The following ELAVL4 variants were observed in gnomAD, a reference collection of about 807,000 sequenced individuals.
The protein encoded by ELAVL4 is ELAV like RNA binding protein 4.
ELAVL4 carries 1 observed loss-of-function variant against 35.6 expected under a neutral mutation model. The ratio of observed to expected loss-of-function variants is 0.03; its 90% CI spans 0.01 to 0.13. The LOEUF (loss-of-function observed/expected upper bound fraction) is 0.13, where lower values mean the gene tolerates loss of function less well. Among genes scored for constraint, ELAVL4 ranks in the 10% least tolerant of loss-of-function variants. The probability of loss-of-function intolerance (pLI) is 1.00; values close to 1 mark genes in which losing one functional copy is unlikely to be tolerated. For synonymous variants in ELAVL4, 156 were observed against 171.0 expected (o/e 0.91, Z 0.69); for missense variants, 267 against 464.9 (o/e 0.57, Z 3.91).
intron 1 of ELAVL4, among the ~76,000 whole-genome samples, chr1:50,118,820 T>A (rs1489022102): frequency 6.6e-6 from 1 of 151,850 alleles, no homozygotes; most frequent in Non-Finnish European, 1.5e-5. Flanking sequence ...CTTCATATGC[T>A]TACAGGAAGG....
intron 1 of ELAVL4, among the ~76,000 whole-genome samples, chr1:50,053,983 G>A (rs555206685): frequency 6.6e-6 from 1 of 152,288 alleles, no homozygotes; most frequent in South Asian, 2.1e-4. Flanking sequence ...TATAAGCAGA[G>A]GGAACAGCCA....
intron 3 of ELAVL4, among the ~76,000 whole-genome samples, chr1:50,182,431 G>T (rs764560967): frequency 4.6e-5 from 7 of 152,180 alleles, no homozygotes; most frequent in Non-Finnish European, 1.0e-4. Flanking sequence ...TTCACTGCTG[G>T]CTCTGCCTCC....
At chr1:50,165,973 C>T (rs1677836246) in intron 2 of ELAVL4, among the ~76,000 whole-genome samples, 2 of 151,978 alleles carry the variant, frequency 1.3e-5, no homozygotes, top group South Asian at 4.1e-4. Flanking sequence ...TGTTCAAGGG[C>T]AGGAAGCATC....
intron 1 of ELAVL4, among the ~76,000 whole-genome samples, chr1:50,113,448 AC>A (rs1667424275): frequency 6.6e-6 from 1 of 152,146 alleles, no homozygotes; most frequent in African/African-American, 2.4e-5. Flanking sequence ...TCATACATAG[AC>A]GAAAGTACTT....
At chr1:50,065,447 C>G (rs538293883) in intron 1 of ELAVL4, among the ~76,000 whole-genome samples, 20 of 152,266 alleles carry the variant, frequency 1.3e-4, no homozygotes, top group Admixed American at 8.5e-4. Context: ...AACACTGGAG[C>G]AAGTTAACTT....
upstream of ELAVL4, chr1:50,106,531 A>C: frequency 3.1e-6 from 2 of 645,094 alleles, no homozygotes; most frequent in East Asian, 2.7e-5. Context: ...CATGACTGGG[A>C]GACTCGCCTG....
In ELAVL4 at chr1:50,148,289, A is replaced by G. The variant is rs145468934; in HGVS notation, c.250+3092A>G. ...AAAGACCCTGCCTAACCTGCACTTC[A>G]TAACCCAATGCAACATTGTGTTCTG... On this transcript the variant is annotated intron_variant, in intron 2 of 6. Transcript: ENST00000371824. Among the ~76,000 whole-genome samples, 1,065 of 152,306 alleles carry G rather than the reference A, an allele frequency of 7.0e-3. 5 individuals are homozygous for G. Among genetic ancestry groups the G allele is most frequent in the Middle Eastern group, 0.024 (7 of 294 alleles).
chr1:50,093,902 T>C (rs1665600802), intron 1 of ELAVL4, among the ~76,000 whole-genome samples: 3 of 152,264 alleles, frequency 2.0e-5, no homozygotes, highest in Non-Finnish European at 2.9e-5. Context: ...AAATGATGTA[T>C]GTTATTTAAC....
At position 50,201,126 on chromosome 1, in the gene ELAVL4, G is replaced by A; in HGVS notation, c.1049G>A (p.Gly350Glu). The A allele has an allele frequency of 6.2e-7, 1 of 1,612,086 alleles. No individual in the cohort carries two copies. The highest frequency in any genetic ancestry group is 8.5e-7 in the Non-Finnish European group (1 of 1,178,928). Residue 350 changes from glycine (G) to glutamate (E), a missense_variant, in exon 7 of 7, where the codon GGA becomes GAA. Physicochemically the swap from Gly to Glu is moderately conservative, Grantham distance 98. Coordinates refer to ENST00000371824, the MANE Select transcript of ELAVL4 (RefSeq NM_001144774.3). This position sits in a 1 kb window ranked among gnomAD's most constrained non-coding sequence, Gnocchi z 4.3. ...AIASLNGYRL[G>E]DRVLQVSFKT... is the part of the protein sequence containing the mutation. ...GCCAGCCTCAACGGGTACCGCCTGG[G>A]AGACAGAGTGTTGCAAGTTTCCTTT...
chr1:50,054,825 C>G (rs1394096054), intron 1 of ELAVL4, among the ~76,000 whole-genome samples: 1 of 152,194 alleles, frequency 6.6e-6, no homozygotes, highest in Non-Finnish European at 1.5e-5. Context: ...AACAAGCTCC[C>G]TTGCACTCTT....
chr1:50,164,890 A>G (rs1677466952), intron 2 of ELAVL4, among the ~76,000 whole-genome samples: 2 of 152,224 alleles, frequency 1.3e-5, no homozygotes, highest in Non-Finnish European at 1.5e-5. Flanking sequence ...ACAAACATTT[A>G]CTGGATATCC....
intron 1 of ELAVL4, among the ~76,000 whole-genome samples, chr1:50,066,965 G>A (rs12087915): frequency 0.02 from 2,997 of 152,112 alleles, 115 homozygotes; most frequent in African/African-American, 0.069. Flanking sequence ...GAACAGTGCC[G>A]AACAGCTTGA....
intron 6 of ELAVL4, among the ~76,000 whole-genome samples, chr1:50,199,029 A>C (rs1386739739): frequency 6.6e-6 from 1 of 152,224 alleles, no homozygotes; most frequent in Non-Finnish European, 1.5e-5. Flanking sequence ...AATATTAAAA[A>C]GACAATCTTC....
chr1:50,197,999 C>G (rs147495008), intron 6 of ELAVL4, among the ~76,000 whole-genome samples: 2 of 152,176 alleles, frequency 1.3e-5, no homozygotes, highest in Admixed American at 1.3e-4. Flanking sequence ...AACTCCTGCC[C>G]CCACTTCAGT....
In ELAVL4 at chr1:50,201,202, A is replaced by AT. The variant is rs756879187; in HGVS notation, c.*25dup. ...GAATTTCCCATTCTTACTTACTAAA[A>AT]TATATATAGAAATATATACGAACAA... On this transcript the variant is annotated 3_prime_UTR_variant, in exon 7 of 7. Coordinates refer to ENST00000371824, the MANE Select transcript of ELAVL4 (RefSeq NM_001144774.3). The surrounding 1 kb of genome is among the most constrained non-coding windows in gnomAD (Gnocchi z 4.3). 2.0e-6 allele frequency: 3 copies of AT among 1,525,988 alleles called. No homozygotes were observed. The East Asian group carries it at 7.1e-5, about 36-fold the overall frequency. The allele number at this position is 1,525,988 out of a possible 1,614,324, so 94.5% of individuals were successfully genotyped here.
At chr1:50,160,827 C>T (rs1038561473) in intron 2 of ELAVL4, among the ~76,000 whole-genome samples, 14 of 152,220 alleles carry the variant, frequency 9.2e-5, no homozygotes, top group African/African-American at 2.9e-4. Context: ...CAAGCCCTCT[C>T]ACATAACTTA....
chr1:50,175,002 TG>T lies in ELAVL4; in HGVS notation c.251-2084del, dbSNP rs762438313. On this transcript the variant is annotated intron_variant, in intron 2 of 6. Coordinates refer to ENST00000371824, the MANE Select transcript of ELAVL4 (RefSeq NM_001144774.3). Reference sequence around the variant, plus strand: ...TATTTTAATTTTACGCAAATTAAATTGGGCTGGATAGATTGACCATCTGACC... The same window carrying T: ...TATTTTAATTTTACGCAAATTAAATTGGCTGGATAGATTGACCATCTGACC... Among the ~76,000 whole-genome samples, 204 of 152,320 alleles carry T rather than the reference TG, an allele frequency of 1.3e-3. 1 individual carries two copies. The highest frequency in any genetic ancestry group is 2.9e-3 in the Admixed American group (44 of 15,304).
chr1:50,114,271 G>A (rs1371633060), intron 1 of ELAVL4, among the ~76,000 whole-genome samples: 1 of 151,972 alleles, frequency 6.6e-6, no homozygotes, highest in African/African-American at 2.4e-5. Context: ...TTTTCTTTGA[G>A]GGCATTTGAA....
chr1:50,167,988 C>T (rs1010416475), intron 2 of ELAVL4, among the ~76,000 whole-genome samples: 1 of 152,194 alleles, frequency 6.6e-6, no homozygotes, highest in Non-Finnish European at 1.5e-5. Flanking sequence ...GCCATTTCTC[C>T]TTCTATGCAA....
Sources: allele counts gnomAD v4.1 joint callset (sites outside exome capture counted in the v4.1 genomes callset), GRCh38; gene constraint gnomAD v4.1.1; non-coding constraint Gnocchi (gnomAD v3.1); transcripts MANE v1.5; gene names NCBI Gene and HGNC (gene_info 2026-07-23, HGNC 2026-07-21).